The following KDM6A variants were observed in gnomAD, a reference collection of about 807,000 sequenced individuals.
The protein encoded by KDM6A is lysine-specific demethylase 6A.
Under a neutral mutation model 117.6 loss-of-function variants are expected in KDM6A, and 11 were observed. The observed-to-expected ratio is 0.09, with a 90% CI of 0.06 to 0.15. The LOEUF is 0.15. Ranked by LOEUF, KDM6A falls within the 10% of genes least tolerant of loss-of-function variation. The pLI, the probability that KDM6A is intolerant of heterozygous loss-of-function variation, is 1.00. For missense variants in KDM6A, 799 were observed against 1,077.3 expected (o/e 0.74, Z 3.62); for synonymous variants, 384 against 396.1 (o/e 0.97, Z 0.36).
intron 8 of KDM6A, among the ~76,000 whole-genome samples, chrX:45,042,228 AGAGGGAGACCGTG>A (rs2043274846): frequency 1.5e-5 from 1 of 67,498 alleles, no homozygotes; most frequent in Non-Finnish European, 2.4e-5. Flanking sequence ...GCTCGGCATC[AGAGGGAGACCGTG>A]GAAGGAGACC....
chrX:44,989,286 C>T (rs1360469354), intron 4 of KDM6A, among the ~76,000 whole-genome samples: 6 of 102,884 alleles, frequency 5.8e-5, no homozygotes, highest in Non-Finnish European at 7.9e-5. Flanking sequence ...CCTGATTTTC[C>T]GGGTGCCGTC....
chrX:45,029,609 C>CA (rs548329887), intron 6 of KDM6A, among the ~76,000 whole-genome samples: 14,855 of 80,635 alleles, frequency 0.18, 1,974 homozygotes, highest in African/African-American at 0.43. Flanking sequence ...GAGATTGTCT[C>CA]AAAAAAAAAA....
chrX:45,042,270 G>GGGAGA (rs2043289225), intron 8 of KDM6A, among the ~76,000 whole-genome samples: 1 of 22,458 alleles, frequency 4.5e-5, no homozygotes, highest in African/African-American at 5.3e-4. Flanking sequence ...AGAGGGGAGA[G>GGGAGA]GGGAGAGGGG....
At chrX:45,042,563 A>G (rs1469273069) in intron 8 of KDM6A, among the ~76,000 whole-genome samples, 7 of 111,681 alleles carry the variant, frequency 6.3e-5, no homozygotes, top group Non-Finnish European at 1.3e-4. Flanking sequence ...ATTTATGAAT[A>G]TGGATTTAGG....
At chrX:44,920,473 C>T (rs113390231) in intron 2 of KDM6A, among the ~76,000 whole-genome samples, 1,106 of 108,789 alleles carry the variant, frequency 0.01, 14 homozygotes, top group African/African-American at 0.036. Context: ...GAGTCTCGCT[C>T]TGTCGCCCAG....
intron 2 of KDM6A, among the ~76,000 whole-genome samples, chrX:44,920,687 C>T (rs753344460): frequency 1.8e-5 from 2 of 109,141 alleles, no homozygotes; most frequent in South Asian, 3.9e-4. Context: ...CCGCCCACCT[C>T]GGCCTCCTAA....
intron 3 of KDM6A, among the ~76,000 whole-genome samples, chrX:44,974,268 T>C (rs2039509772): frequency 9.0e-6 from 1 of 111,669 alleles, no homozygotes; most frequent in African/African-American, 3.3e-5. Flanking sequence ...GTTTTTATCC[T>C]GGTCTTCCAT....
At chrX:44,997,941 T>C (rs552865003) in intron 4 of KDM6A, among the ~76,000 whole-genome samples, 1 of 112,206 alleles carries the variant, frequency 8.9e-6, no homozygotes, top group Admixed American at 9.4e-5. Context: ...GATCTGCATG[T>C]TATTTGTCCT....
At chrX:45,009,623 G>C (rs1352866995) in intron 4 of KDM6A, among the ~76,000 whole-genome samples, 1 of 111,542 alleles carries the variant, frequency 9.0e-6, no homozygotes, top group Non-Finnish European at 1.9e-5. Flanking sequence ...AAATGCCTCT[G>C]ACAAGCTGTT....
chrX:44,940,061 A>C (rs1453244192), intron 2 of KDM6A, among the ~76,000 whole-genome samples: 1 of 111,355 alleles, frequency 9.0e-6, no homozygotes, highest in Non-Finnish European at 1.9e-5. Context: ...ATGTCAACAA[A>C]CTTTTTTTTG....
Position 45,053,912 on chromosome X carries a change from G to A in KDM6A, c.832G>A (p.Glu278Lys), listed in dbSNP as rs1465771346. The A allele has an allele frequency of 1.7e-6, 2 of 1,207,824 alleles. No individual in the cohort carries two copies. The highest frequency in any genetic ancestry group is 3.0e-5 in the East Asian group (1 of 33,799). The change falls in exon 10 of 30, where the codon GAA (glutamate) becomes AAA (lysine). Residue 278 changes from glutamate to lysine, a missense_variant. Transcript: ENST00000611820. Reference protein sequence around the residue: ...YAIQYLQKSLEADPNSGQSWY... With the variant: ...YAIQYLQKSLKADPNSGQSWY... The stretch of plus-strand genomic sequence containing the variant: ...TATTCAGTATCTCCAAAAGTCCTTG[G>A]AAGCAGATCCTAATTCTGGCCAGTC...
intron 27 of KDM6A, among the ~76,000 whole-genome samples, chrX:45,105,315 G>T (rs1422883388): frequency 8.9e-6 from 1 of 111,856 alleles, no homozygotes; most frequent in Non-Finnish European, 1.9e-5. Flanking sequence ...TTCTCCCAGG[G>T]TTGTTAGGAG....
At chrX:45,060,199 G>T (rs747233235) in intron 13 of KDM6A, 43 bp downstream of exon 13, 7 of 1,206,689 alleles carry the variant, frequency 5.8e-6, no homozygotes, top group Admixed American at 2.2e-5. Context: ...AGCTTTAAGG[G>T]TTCTTTTCAA....
rs1301104377 is a variant in KDM6A, at chrX:45,112,307, T to A, written c.*896T>A. 1 of 133,534 alleles carries A rather than the reference T, an allele frequency of 7.5e-6. No homozygotes were observed. The highest frequency in any genetic ancestry group is 3.2e-5 in the African/African-American group (1 of 31,436). The allele number at this position is 133,534 out of a possible 1,213,427, so 11.0% of individuals were successfully genotyped here. A position where few individuals can be genotyped will look rare whatever the true frequency, so the allele number is the denominator to read the frequency against. Reference sequence around the variant, plus strand: ...CTTTATGTACAGTGCCCAGTTTTTGTTCATTTTTGAAATCTGATTATATAT... The same window carrying A: ...CTTTATGTACAGTGCCCAGTTTTTGATCATTTTTGAAATCTGATTATATAT... On this transcript the variant is annotated 3_prime_UTR_variant, in exon 30 of 30. Transcript: ENST00000611820.
chrX:45,061,466 G>GT (rs775566862), intron 15 of KDM6A, 47 bp downstream of exon 15: 4 of 522,112 alleles, frequency 7.7e-6, no homozygotes, highest in Non-Finnish European at 9.5e-6. Context: ...AGGAGTAGAG[G>GT]TAGCAAACAA....
intron 3 of KDM6A, among the ~76,000 whole-genome samples, chrX:44,968,928 C>T (rs2039171204): frequency 9.6e-6 from 1 of 104,575 alleles, no homozygotes; most frequent in Admixed American, 1.0e-4. Context: ...TGAGATCACG[C>T]CATTGCACTC....
At chrX:45,056,590 T>G (rs773219032) in intron 10 of KDM6A, among the ~76,000 whole-genome samples, 1 of 112,053 alleles carries the variant, frequency 8.9e-6, no homozygotes, top group South Asian at 3.7e-4. Flanking sequence ...TCCTGTCACT[T>G]CAAAGATTTA....
At chrX:45,061,579 C>T (rs1431932857) in intron 15 of KDM6A, among the ~76,000 whole-genome samples, 160 bp downstream of exon 15, 3 of 103,553 alleles carry the variant, frequency 2.9e-5, no homozygotes, top group East Asian at 3.0e-4. Flanking sequence ...GCAACCTCCG[C>T]GTCCTGTGTT....
At position 45,041,440 on chromosome X, in the gene KDM6A, C is replaced by A. The variant is rs1270094762; in HGVS notation, c.654+3751C>A. On this transcript the variant is annotated intron_variant, in intron 8 of 29. Transcript: ENST00000611820. ...GGCCGGGCGGGGACTGACCCCCCCC[C>A]ACCTCCCTCCCGGACGGGGTGGCTG... 1.6e-3 allele frequency among the ~76,000 whole-genome samples: 173 copies of A among 105,646 alleles called. 4 individuals are homozygous for A. Among genetic ancestry groups the A allele is most frequent in the African/African-American group, 5.8e-3 (163 of 28,038 alleles). 91.7% of individuals were successfully genotyped at this position (105,646 alleles called of 115,157 possible).
Sources: allele counts gnomAD v4.1 joint callset (sites outside exome capture counted in the v4.1 genomes callset), GRCh38; gene constraint gnomAD v4.1.1; transcripts MANE v1.5; gene names NCBI Gene and HGNC (gene_info 2026-07-23, HGNC 2026-07-21).